EXOSC10: variants seen among roughly 807,000 people sequenced by gnomAD.
EXOSC10 encodes the protein exosome complex component 10.
Under a neutral mutation model 126.6 loss-of-function variants are expected in EXOSC10, and 94 were observed. The observed-to-expected ratio is 0.74, with a 90% CI of 0.63 to 0.88. The LOEUF is 0.88. EXOSC10 is among the 40% of genes least tolerant of loss of function. The pLI is 0.00. For missense variants in EXOSC10, 1,041 were observed against 1,100.5 expected (o/e 0.95, Z 0.77); for synonymous variants, 395 against 400.8 (o/e 0.99, Z 0.17).
At position 11,075,613 on chromosome 1, in the gene EXOSC10, G is replaced by A. The variant is rs567168143; in HGVS notation, c.1986+1229C>T. Among the ~76,000 whole-genome samples the A allele has an allele frequency of 1.0e-3, 157 of 152,176 alleles. 1 individual carries two copies. Among genetic ancestry groups the A allele is most frequent in the Non-Finnish European group, 1.9e-3 (126 of 68,010 alleles). On this transcript the variant is annotated intron_variant, in intron 17 of 24. Transcript: ENST00000376936. ...TTTTCTCATTAATTGCTAAAGCAAGGCCCAATCTAGATTTATGTAATTAAG... is the reference window on the plus strand; with the variant it reads ...TTTTCTCATTAATTGCTAAAGCAAGACCCAATCTAGATTTATGTAATTAAG...
At chr1:11,092,210 C>A (rs1640843406) in intron 3 of EXOSC10, among the ~76,000 whole-genome samples, 1 of 152,104 alleles carries the variant, frequency 6.6e-6, no homozygotes, top group African/African-American at 2.4e-5. Context: ...AGTACACTTA[C>A]CACCTGTTTT....
At chr1:11,073,258 G>A (rs960174053) in intron 19 of EXOSC10, among the ~76,000 whole-genome samples, 23 of 152,202 alleles carry the variant, frequency 1.5e-4, no homozygotes, top group Middle Eastern at 6.8e-3. Context: ...TCAGCCCCCC[G>A]AGTAGCTGGG....
intron 6 of EXOSC10, among the ~76,000 whole-genome samples, chr1:11,089,575 C>T (rs1269141182): frequency 2.7e-5 from 4 of 150,010 alleles, no homozygotes; most frequent in Non-Finnish European, 4.4e-5. Context: ...CAGCTGAGAT[C>T]GCGCCATTGT....
At chr1:11,088,916 A>C (rs182324540) in intron 6 of EXOSC10, among the ~76,000 whole-genome samples, 7 of 152,298 alleles carry the variant, frequency 4.6e-5, no homozygotes, top group Non-Finnish European at 8.8e-5. Flanking sequence ...CCTTTTCTTT[A>C]CTAAATTCAT....
chr1:11,094,704 G>A (rs149734928), intron 3 of EXOSC10, among the ~76,000 whole-genome samples: 1,658 of 151,708 alleles, frequency 0.011, 66 homozygotes, highest in South Asian at 0.068. Context: ...GGGTTCAAGC[G>A]ATTCTCCTGC....
intron 9 of EXOSC10, among the ~76,000 whole-genome samples, chr1:11,085,559 T>C (rs1490524196): frequency 1.3e-5 from 2 of 152,222 alleles, no homozygotes; most frequent in Non-Finnish European, 2.9e-5. Flanking sequence ...AATCATGTCA[T>C]CTGCAAACAG....
chr1:11,090,642 G>C lies in EXOSC10; in HGVS notation c.670C>G (p.Pro224Ala). The change falls in exon 6 of 25, where the codon CCA becomes GCA. Residue 224 changes from proline (P) to alanine (A), a missense_variant. This residue lies in a region of EXOSC10 where 645 missense variants were observed against 656.3 expected (regional missense o/e 0.98). Coordinates refer to ENST00000376936, the MANE Select transcript of EXOSC10 (RefSeq NM_001001998.3). ...TCCAAGTCCTCAGGACGATCCTGTGGGCGTTCCCGCCTTTCCTTAGAGAGA... is the reference window on the plus strand; with the variant it reads ...TCCAAGTCCTCAGGACGATCCTGTGCGCGTTCCCGCCTTTCCTTAGAGAGA... ...QALSKERRER[P>A]QDRPEDLDVP... The C allele has an allele frequency of 6.2e-7, 1 of 1,612,748 alleles. No homozygotes were observed. The highest frequency in any genetic ancestry group is 8.5e-7 in the Non-Finnish European group (1 of 1,179,426).
At position 11,069,681 on chromosome 1, in the gene EXOSC10, G is replaced by A. The variant is rs1371440246; in HGVS notation, c.2366C>T (p.Thr789Ile). 6.2e-7 allele frequency: 1 copy of A among 1,614,076 alleles called. No homozygotes were observed. The highest frequency in any genetic ancestry group is 8.5e-7 in the Non-Finnish European group (1 of 1,180,020). ...TTTCTTCTCTTGTTTCTGTTCTGTG[G>A]TCCTTGGGTCGCTTGTTGCTCGCTC... ...KRERATSDPR[T>I]TEQKQEKKRL... The change falls in exon 22 of 25, where the codon ACC becomes ATC. Residue 789 changes from threonine to isoleucine, a missense_variant. Transcript: ENST00000376936.
rs1641218310 is a variant in EXOSC10 at position 11,098,119 on chromosome 1, G to C, written c.149C>G (p.Ser50Cys). Residue 50 changes from serine (S) to cysteine (C), a missense_variant, in exon 2 of 25, where the codon TCT (serine) becomes TGT (cysteine). Ser to Cys is a moderately radical substitution (Grantham distance 112). This residue lies in a region of EXOSC10 where 645 missense variants were observed against 656.3 expected (regional missense o/e 0.98). Transcript: ENST00000376936. Reference sequence around the variant, plus strand: ...ATCGCCAAACTGTGGTAGGCCCCCAGATGCCTTGGTGACTGCCACCACGGA... The same window carrying C: ...ATCGCCAAACTGTGGTAGGCCCCCACATGCCTTGGTGACTGCCACCACGGA... ...LGSVVAVTKA[S>C]GGLPQFGDEY... is the part of the protein sequence containing the mutation. The C allele has an allele frequency of 6.2e-7, 1 of 1,612,498 alleles. No individual in the cohort carries two copies. Among genetic ancestry groups the C allele is most frequent in the Non-Finnish European group, 8.5e-7 (1 of 1,179,594 alleles).
At chr1:11,095,730 A>G (rs1557720746) in intron 3 of EXOSC10, 28 bp downstream of exon 3, 2 of 1,591,398 alleles carry the variant, frequency 1.3e-6, no homozygotes, top group Admixed American at 1.7e-5. Context: ...AAAACAAAAC[A>G]AAAAAAAGAG....
rs2273339 is a variant in EXOSC10 at position 11,077,604 on chromosome 1, A to G, written c.1797T>C (p.Ala599=). ...GVKKSGPLPS[A]ERLENVLFGP... Reference sequence around the variant, plus strand: ...GAAAACAGATCCGACACTCTACCTCAGCACTGGGCAGCGGTCCGCTCTTCT... The same window carrying G: ...GAAAACAGATCCGACACTCTACCTCGGCACTGGGCAGCGGTCCGCTCTTCT... The change falls in exon 15 of 25, where the codon GCT becomes GCC. Residue 599 remains alanine, a synonymous_variant. Coordinates refer to ENST00000376936, the MANE Select transcript of EXOSC10 (RefSeq NM_001001998.3). 65,924 of 1,613,794 alleles carry G rather than the reference A, an allele frequency of 0.041. 2,675 individuals are homozygous for G. Among genetic ancestry groups the G allele is most frequent in the African/African-American group, 0.15 (10,910 of 74,996 alleles).
chr1:11,093,889 G>A (rs1640926999), intron 3 of EXOSC10, among the ~76,000 whole-genome samples: 2 of 151,940 alleles, frequency 1.3e-5, no homozygotes, highest in Admixed American at 1.3e-4. Flanking sequence ...GACCAGCCTG[G>A]GCAACACAGC....
intron 10 of EXOSC10, among the ~76,000 whole-genome samples, chr1:11,081,682 C>T (rs1309649454): frequency 6.6e-6 from 1 of 152,224 alleles, no homozygotes; most frequent in Non-Finnish European, 1.5e-5. Flanking sequence ...GAGCTTGGCA[C>T]AGGGTAAGGG....
intron 6 of EXOSC10, 105 bp from the exon 7 acceptor site, chr1:11,088,303 C>G: frequency 1.4e-6 from 1 of 717,672 alleles, no homozygotes; most frequent in Non-Finnish European, 2.3e-6. Flanking sequence ...GAAAAGACCA[C>G]TGTGAAAATA....
rs548202718 is a variant in EXOSC10 at position 11,067,470 on chromosome 1, G to A, written c.2627+538C>T. On this transcript the variant is annotated intron_variant, in intron 24 of 24. Transcript: ENST00000376936. ...AAAAAAAACATTAGCCGGGCATGAT[G>A]GCAGGCACCTGTAATCCCAGCTACT... is the stretch of plus-strand genomic sequence containing the variant. Among the ~76,000 whole-genome samples, 4 of 148,934 alleles carry A rather than the reference G, an allele frequency of 2.7e-5. No individual in the cohort carries two copies. The South Asian group carries it at 8.5e-4, about 32-fold the overall frequency.
chr1:11,079,469 C>CT (rs1028387646), intron 14 of EXOSC10, among the ~76,000 whole-genome samples: 3 of 147,860 alleles, frequency 2.0e-5, no homozygotes, highest in African/African-American at 7.5e-5. Flanking sequence ...TCTCGGCTCA[C>CT]TGCAACCTCC....
intron 13 of EXOSC10, among the ~76,000 whole-genome samples, chr1:11,080,101 G>C (rs536117242): frequency 2.3e-4 from 35 of 152,282 alleles, no homozygotes; most frequent in Non-Finnish European, 4.1e-4. Flanking sequence ...AATTCCGCAG[G>C]GGGCAACCAA....
chr1:11,095,714 AAAAAC>A (rs781219428), intron 3 of EXOSC10, 39 bp downstream of exon 3: 13 of 1,593,858 alleles, frequency 8.2e-6, no homozygotes, highest in East Asian at 2.2e-5. Context: ...ACTCCGTCTC[AAAAAC>A]AAAACAAAAC....
rs1025441481 is a variant in EXOSC10 at position 11,076,878 on chromosome 1, T to A, written c.1950A>T (p.Thr650=). The A allele has an allele frequency of 1.9e-6, 3 of 1,613,752 alleles. No individual in the cohort carries two copies. Among genetic ancestry groups the A allele is most frequent in the Non-Finnish European group, 2.5e-6 (3 of 1,180,026 alleles). The stretch of plus-strand genomic sequence containing the variant: ...TGATGACAGCTGTGGCAATCAGGCA[T>A]GTGGTACCCAGCAAGTTATCTTCTT... ...DEKEDNLLGT[T]CLIATAVITL... is the part of the protein sequence containing the mutation. Residue 650 remains threonine (T), a synonymous_variant, in exon 17 of 25, where the codon ACA becomes ACT. Coordinates refer to ENST00000376936, the MANE Select transcript of EXOSC10 (RefSeq NM_001001998.3).
Sources: allele counts gnomAD v4.1 joint callset (sites outside exome capture counted in the v4.1 genomes callset), GRCh38; gene constraint gnomAD v4.1.1; regional missense constraint gnomAD v4.1.1; transcripts MANE v1.5; gene names NCBI Gene and HGNC (gene_info 2026-07-23, HGNC 2026-07-21).